The following GINS1 variants were observed in gnomAD, a reference collection of about 807,000 sequenced individuals.
GINS1 encodes GINS complex subunit 1.
A neutral mutation model predicts 34.9 loss-of-function variants in GINS1; 26 were observed. The observed-to-expected ratio is 0.74, with a 90% CI of 0.55 to 1.03. GINS1 has a LOEUF of 1.03. GINS1 is among the 50% of genes least tolerant of loss of function. The pLI, the probability that GINS1 is intolerant of heterozygous loss-of-function variation, is 0.00. For missense variants in GINS1, 235 were observed against 237.9 expected (o/e 0.99, Z 0.08); for synonymous variants, 97 against 84.4 (o/e 1.15, Z -0.82).
rs1307419965 is a variant in GINS1, at chr20:25,445,938, T to C, written c.538T>C (p.Trp180Arg). ...KKNSQHFLPRWKCEQLIRQGV... is the reference protein window; with the variant it reads ...KKNSQHFLPRRKCEQLIRQGV... ...GTCCCCTCAGCACTTTTTACCTCGA[T>C]GGAAATGTGAGCAGCTGATCAGACA... The change falls in exon 7 of 7, where the codon TGG becomes CGG. Residue 180 changes from tryptophan to arginine, a missense_variant. Coordinates refer to ENST00000262460, the MANE Select transcript of GINS1 (RefSeq NM_021067.5). 1 of 1,608,824 alleles carries C rather than the reference T, an allele frequency of 6.2e-7. No homozygotes were observed. Among genetic ancestry groups the C allele is most frequent in the Non-Finnish European group, 8.5e-7 (1 of 1,175,532 alleles).
rs202022284 is a variant in GINS1, at chr20:25,417,121, G to A, written c.158G>A (p.Gly53Asp). The change falls in exon 3 of 7, where the codon GGT (glycine) becomes GAT (aspartate). Residue 53 changes from glycine to aspartate, a missense_variant. By Grantham distance (94) the Gly-to-Asp change is moderately conservative. Transcript: ENST00000262460. ...NQSDVNEAKS[G>D]GRSDLIPTIK... ...CCTATCAGGAATGAAGCAAAGTCAG[G>A]TGGACGAAGTGATTTGATACCAACT... 18 of 1,566,680 alleles carry A rather than the reference G, an allele frequency of 1.1e-5. No homozygotes were observed. The highest frequency in any genetic ancestry group is 1.7e-4 in the Middle Eastern group (1 of 5,964).
At chr20:25,436,527 CATTTCTGTT>C (rs2090455711) in intron 5 of GINS1, among the ~76,000 whole-genome samples, 1 of 152,068 alleles carries the variant, frequency 6.6e-6, no homozygotes, top group Non-Finnish European at 1.5e-5. Context: ...CAGACTTAGT[CATTTCTGTT>C]ATCCTGTCTT....
chr20:25,423,180 C>T (rs1202241061), intron 4 of GINS1, among the ~76,000 whole-genome samples: 2 of 148,658 alleles, frequency 1.3e-5, no homozygotes, highest in Non-Finnish European at 3.0e-5. Context: ...AGTGGCATAG[C>T]TCGGCTCACT....
intron 2 of GINS1, 85 bp downstream of exon 2, chr20:25,413,939 C>T (rs2090303747): frequency 2.5e-5 from 20 of 788,130 alleles, no homozygotes; most frequent in Non-Finnish European, 3.8e-5. Context: ...CGCCTGTAAT[C>T]CCAGCACTTT....
chr20:25,437,846 C>T (rs2424713), intron 5 of GINS1, among the ~76,000 whole-genome samples: 58,137 of 151,940 alleles, frequency 0.38, 12,701 homozygotes, highest in East Asian at 0.91. Context: ...GGGCCGGGCA[C>T]AGTGGCTTAC....
intron 1 of GINS1, chr20:25,408,986 G>A (rs773205551): frequency 1.0e-6 from 1 of 984,762 alleles, no homozygotes; most frequent in African/African-American, 1.7e-5. Flanking sequence ...CAAGGAGCAC[G>A]AAGGAGAAAC....
In GINS1 at chr20:25,407,799, G is replaced by C. The variant is rs535701339; in HGVS notation, c.-22G>C. The C allele has an allele frequency of 7.5e-6, 12 of 1,605,044 alleles. 1 individual carries two copies. Among genetic ancestry groups the C allele is most frequent in the Middle Eastern group, 3.3e-4 (2 of 6,070 alleles). ...GTGAGAGCTGGTGGTTGGCAAGGCC[G>C]CGGGAGTGGGAAGCGTCCGCCATGT... On this transcript the variant is annotated 5_prime_UTR_variant, in exon 1 of 7. Coordinates refer to ENST00000262460, the MANE Select transcript of GINS1 (RefSeq NM_021067.5).
chr20:25,418,246 G>A (rs1475627659), intron 4 of GINS1, 51 bp downstream of exon 4: 5 of 1,005,766 alleles, frequency 5.0e-6, no homozygotes, highest in Non-Finnish European at 6.4e-6. Context: ...TAAAGTTCTG[G>A]CATTGTTCTA....
At chr20:25,441,912 G>A (rs944464535) in intron 6 of GINS1, 136 bp downstream of exon 6, 7 of 501,524 alleles carry the variant, frequency 1.4e-5, no homozygotes, top group Admixed American at 7.4e-5. Context: ...AATATACCCT[G>A]TTCTGTACTT....
intron 1 of GINS1, among the ~76,000 whole-genome samples, chr20:25,408,096 C>A (rs1315179279): frequency 6.6e-6 from 1 of 152,284 alleles, no homozygotes; most frequent in African/African-American, 2.4e-5. Flanking sequence ...ATTTCCTCAT[C>A]TGAGCAAATT....
At chr20:25,433,124 T>G (rs1275130694) in intron 5 of GINS1, among the ~76,000 whole-genome samples, 1 of 152,082 alleles carries the variant, frequency 6.6e-6, no homozygotes, top group Non-Finnish European at 1.5e-5. Context: ...TAATCCATTC[T>G]GCTAATCTCT....
intron 5 of GINS1, among the ~76,000 whole-genome samples, chr20:25,429,113 C>T (rs1473721529): frequency 6.6e-6 from 1 of 151,646 alleles, no homozygotes; most frequent in Non-Finnish European, 1.5e-5. Context: ...CTCAGCCTCC[C>T]AAGTAGCTGA....
intron 1 of GINS1, among the ~76,000 whole-genome samples, chr20:25,412,616 G>A (rs1007578337): frequency 6.6e-6 from 1 of 152,068 alleles, no homozygotes; most frequent in Admixed American, 6.6e-5. Context: ...TATACCTCAT[G>A]CTTCAGTAGG....
chr20:25,407,990 G>A (rs1259578693), intron 1 of GINS1, 95 bp downstream of exon 1: 8 of 877,710 alleles, frequency 9.1e-6, no homozygotes, highest in Non-Finnish European at 1.1e-5. Context: ...TTCGCACCTT[G>A]TTCCCTCCGA....
Position 25,448,543 on chromosome 20 carries a change from G to T in GINS1, c.*2552G>T, listed in dbSNP as rs2090525243. 6.6e-6 allele frequency: 1 copy of T among 152,196 alleles called. No homozygotes were observed. The highest frequency in any genetic ancestry group is 2.1e-4 in the South Asian group (1 of 4,832). 9.4% of individuals were successfully genotyped at this position (152,196 alleles called of 1,614,324 possible). The stretch of plus-strand genomic sequence containing the variant: ...CAGTCATGTGTTCTATGAATAAAGA[G>T]TTTTACTCCTTCCTTTCTAATCTGA... On this transcript the variant is annotated 3_prime_UTR_variant, in exon 7 of 7. Coordinates refer to ENST00000262460, the MANE Select transcript of GINS1 (RefSeq NM_021067.5).
intron 1 of GINS1, among the ~76,000 whole-genome samples, chr20:25,409,516 C>T (rs1407243389): frequency 1.3e-5 from 2 of 152,122 alleles, no homozygotes; most frequent in Admixed American, 1.3e-4. Flanking sequence ...TTGGAGGATC[C>T]TTAGGAAACT....
intron 6 of GINS1, chr20:25,442,902 G>A (rs2424716): frequency 0.43 from 65,589 of 151,900 alleles, 14,887 homozygotes; most frequent in East Asian, 0.92. Context: ...CACTGTGCCC[G>A]GCCACTAAAT....
intron 4 of GINS1, among the ~76,000 whole-genome samples, chr20:25,418,453 A>T (rs1221848337): frequency 1.3e-5 from 2 of 152,238 alleles, no homozygotes; most frequent in African/African-American, 2.4e-5. Context: ...GTGGGATTAA[A>T]AAACTGGCAT....
rs989237146 is a variant in GINS1 at position 25,447,511 on chromosome 20, T to C, written c.*1520T>C. ...AGTTGTCAATGTATATGTGGGTTTA[T>C]TTCAGGACTCTGTTTTGTTCCATTG... On this transcript the variant is annotated 3_prime_UTR_variant, in exon 7 of 7. Coordinates refer to ENST00000262460, the MANE Select transcript of GINS1 (RefSeq NM_021067.5). 1 of 152,252 alleles carries C rather than the reference T, an allele frequency of 6.6e-6. No homozygotes were observed. The highest frequency in any genetic ancestry group is 1.5e-5 in the Non-Finnish European group (1 of 68,038). The allele number at this position is 152,252 out of a possible 1,614,324, so 9.4% of individuals were successfully genotyped here. A position where few individuals can be genotyped will look rare whatever the true frequency, so the allele number is the denominator to read the frequency against.
Sources: gnomAD v4.1 joint callset for allele counts (sites outside exome capture counted in the v4.1 genomes callset) on GRCh38, gnomAD v4.1.1 for gene constraint, MANE v1.5 for transcripts, NCBI Gene and HGNC (gene_info 2026-07-23, HGNC 2026-07-21) for gene names.